The following ZAN variants were observed in gnomAD, a reference collection of about 807,000 sequenced individuals.
ZAN encodes the protein zonadhesin (gene/pseudogene).
ZAN carries 260 observed loss-of-function variants against 286.2 expected under a neutral mutation model. The observed-to-expected ratio is 0.91, with a 90% CI of 0.82 to 1.01. The LOEUF (loss-of-function observed/expected upper bound fraction) is 1.01, where lower values mean the gene tolerates loss of function less well. Among genes scored for constraint, ZAN ranks in the 50% least tolerant of loss-of-function variants. The pLI is 0.00. For missense variants in ZAN, 3,410 were observed against 3,639.2 expected, an observed-to-expected ratio of 0.94 and a Z score of 1.62; for synonymous variants, 1,368 against 1,417.5, an observed-to-expected ratio of 0.97 and a Z score of 0.79.
In ZAN at chr7:100,765,384, C is replaced by T. The variant is rs760519748; in HGVS notation, c.4300C>T (p.Leu1434=). 1 of 1,613,906 alleles carries T rather than the reference C, an allele frequency of 6.2e-7. No individual in the cohort carries two copies. The highest frequency in any genetic ancestry group is 1.3e-5 in the African/African-American group (1 of 74,964). The change falls in exon 23 of 48, where the codon CTG becomes TTG. Residue 1434 remains leucine (L), a synonymous_variant. Coordinates refer to ENST00000613979, the MANE Select transcript of ZAN (RefSeq NM_003386.3). ...MACPPNSKYS[L]CAKPCPDTCH... is the part of the protein sequence containing the mutation. The stretch of plus-strand genomic sequence containing the variant: ...CTGCCCGCCCAACAGCAAGTACTCC[C>T]TGTGTGCGAAGCCATGCCCTGACAC...
intron 31 of ZAN, among the ~76,000 whole-genome samples, chr7:100,774,920 T>TTTTGTTTG (rs35120086): frequency 0.023 from 2,768 of 120,674 alleles, 82 homozygotes; most frequent in African/African-American, 0.069. Context: ...CCCTGGGGTT[T>TTTTGTTTG]TTTGTTTGTT....
Position 100,794,954 on chromosome 7 carries a change from G to C in ZAN, c.8126-242G>C, listed in dbSNP as rs565504878. ...AGGGGAGAAGGAGGGAAGGAGAGAA[G>C]GAGGGAGGAAAGGAGGAAGAAAGGA... is the stretch of plus-strand genomic sequence containing the variant. On this transcript the variant is annotated intron_variant, in intron 44 of 47. Transcript: ENST00000613979. Among the ~76,000 whole-genome samples the C allele has an allele frequency of 2.7e-3, 413 of 151,672 alleles. 3 individuals carry two copies. Among genetic ancestry groups the C allele is most frequent in the African/African-American group, 9.0e-3 (372 of 41,316 alleles).
At chr7:100,783,844 G>A in intron 35 of ZAN, among the ~76,000 whole-genome samples, 1 of 124,700 alleles carries the variant, frequency 8.0e-6, no homozygotes. Flanking sequence ...ATTTTATTGA[G>A]ATCACATTAA....
At chr7:100,769,010 A>T (rs1810200693) in intron 27 of ZAN, among the ~76,000 whole-genome samples, 1 of 151,900 alleles carries the variant, frequency 6.6e-6, no homozygotes, top group Non-Finnish European at 1.5e-5. Context: ...TTCCTGCTGC[A>T]TCTCCTTGCC....
At position 100,784,816 on chromosome 7, in the gene ZAN, C is replaced by T; in HGVS notation, c.6816C>T (p.Ala2272=). 1 of 1,602,106 alleles carries T rather than the reference C, an allele frequency of 6.2e-7. No individual in the cohort carries two copies. Among genetic ancestry groups the T allele is most frequent in the East Asian group, 2.2e-5 (1 of 44,602 alleles). The stretch of plus-strand genomic sequence containing the variant: ...GAAGTCAGTGTGGCTGCAAGGATGC[C>T]CATGGTGGCTCCATCCCTGTGAGTG... The part of the protein sequence containing the change: ...VPRSQCGCKD[A]HGGSIPLGKS... The change falls in exon 36 of 48, where the codon GCC becomes GCT. Residue 2272 remains alanine, a synonymous_variant. Transcript: ENST00000613979.
Position 100,779,614 on chromosome 7 carries a change from C to G in ZAN, c.6486C>G (p.Phe2162Leu), listed in dbSNP as rs767326650. ...CCTCCCGCATAGACCTCACGCCCTT[C>G]CTGGTGGACTGTGCAAACACCCTCT... is the stretch of plus-strand genomic sequence containing the variant. Reference protein sequence around the residue: ...QCASRIDLTPFLVDCANTLCE... With the variant: ...QCASRIDLTPLLVDCANTLCE... The change falls in exon 35 of 48, where the codon TTC becomes TTG. Residue 2162 changes from phenylalanine to leucine, a missense_variant. Physicochemically the swap from Phe to Leu is conservative, Grantham distance 22. Around this residue, in one of 7 missense-constraint regions of ZAN, gnomAD observed 1,289 missense variants for 1,314.3 expected, o/e 0.98. Transcript: ENST00000613979. 6.2e-7 allele frequency: 1 copy of G among 1,604,582 alleles called. No individual in the cohort carries two copies. The highest frequency in any genetic ancestry group is 1.1e-5 in the South Asian group (1 of 89,310).
chr7:100,759,887 T>G, intron 18 of ZAN, 42 bp downstream of exon 18: 1 of 1,593,436 alleles, frequency 6.3e-7, no homozygotes. Context: ...AGGGTCTGAC[T>G]GTGTGTCCTG....
At chr7:100,788,779 A>T (rs55634808) in intron 38 of ZAN, among the ~76,000 whole-genome samples, 2 of 151,786 alleles carry the variant, frequency 1.3e-5, no homozygotes, top group Non-Finnish European at 2.9e-5. Context: ...GCTCACTGCA[A>T]CCTCCACCTC....
chr7:100,784,868 C>T (rs1463716120), intron 36 of ZAN, 34 bp downstream of exon 36: 1 of 1,542,164 alleles, frequency 6.5e-7, no homozygotes, highest in Non-Finnish European at 8.8e-7. Flanking sequence ...CTGGAGGCAA[C>T]ACAGCTTGAG....
chr7:100,783,751 AAAAAAAAAAAAAATATAT>A (rs1811346217), intron 35 of ZAN, among the ~76,000 whole-genome samples: 2 of 27,210 alleles, frequency 7.4e-5, no homozygotes, highest in African/African-American at 3.3e-4. Flanking sequence ...AAAAAAAAAA[AAAAAAAAAAAAAATATAT>A]ATATATATAT....
At chr7:100,786,260 C>A in intron 37 of ZAN, 119 bp downstream of exon 37, 1 of 1,443,676 alleles carries the variant, frequency 6.9e-7, no homozygotes, top group Non-Finnish European at 9.4e-7. Context: ...GGGGTTGGGG[C>A]GGGCGACTGG....
At chr7:100,762,031 A>G (rs1584585340) in intron 19 of ZAN, among the ~76,000 whole-genome samples, 184 bp from the exon 20 acceptor site, 1 of 152,034 alleles carries the variant, frequency 6.6e-6, no homozygotes, top group Non-Finnish European at 1.5e-5. Flanking sequence ...CTGTGGCTGG[A>G]CAATGAACAG....
Position 100,775,765 on chromosome 7 carries a change from G to A in ZAN, c.6124G>A (p.Gly2042Arg), listed in dbSNP as rs758871326. ...SIYSIVNIKI[G>R]VQVKFDGNHL... Reference sequence around the variant, plus strand: ...CTACAGCATTGTTAACATCAAGATCGGGGTGCAAGTCAAGTTTGACGGGAA... The same window carrying A: ...CTACAGCATTGTTAACATCAAGATCAGGGTGCAAGTCAAGTTTGACGGGAA... The change falls in exon 33 of 48, where the codon GGG becomes AGG. Residue 2042 changes from glycine to arginine, a missense_variant. By Grantham distance (125) the Gly-to-Arg change is moderately radical (BLOSUM62 -2). This residue lies in a region of ZAN where 1,289 missense variants were observed against 1,314.3 expected (regional missense o/e 0.98). Transcript: ENST00000613979. 11 of 1,613,916 alleles carry A rather than the reference G, an allele frequency of 6.8e-6. No individual in the cohort carries two copies. Among genetic ancestry groups the A allele is most frequent in the South Asian group, 3.3e-5 (3 of 91,086 alleles).
intron 7 of ZAN, among the ~76,000 whole-genome samples, chr7:100,742,200 G>A (rs1214575983): frequency 1.8e-5 from 2 of 112,800 alleles, no homozygotes; most frequent in Admixed American, 8.3e-5. Context: ...GGTCTCGGCC[G>A]GGCAGAAGCG....
rs536117367 is a variant in ZAN at position 100,750,720 on chromosome 7, T to G, written c.1345T>G (p.Cys449Gly). The G allele has an allele frequency of 5.6e-5, 90 of 1,613,102 alleles. No homozygotes were observed. In the South Asian group the frequency reaches 9.8e-4, roughly 18 times the overall value. ...SRPFCAPGDI[C>G]VEFAYHMYGL... Reference sequence around the variant, plus strand: ...GCCCTTCTGCGCCCCAGGTGACATCTGCGTGGAGTTCGCATACCACATGTA... The same window carrying G: ...GCCCTTCTGCGCCCCAGGTGACATCGGCGTGGAGTTCGCATACCACATGTA... The change falls in exon 12 of 48, where the codon TGC becomes GGC. Residue 449 changes from cysteine to glycine, a missense_variant. Physicochemically the swap from Cys to Gly is radical, Grantham distance 159 (BLOSUM62 -3). Around this residue, in one of 7 missense-constraint regions of ZAN, gnomAD observed 872 missense variants for 938.9 expected, o/e 0.93. Coordinates refer to ENST00000613979, the MANE Select transcript of ZAN (RefSeq NM_003386.3).
At chr7:100,745,712 C>T (rs1345406066) in intron 7 of ZAN, among the ~76,000 whole-genome samples, 2 of 149,600 alleles carry the variant, frequency 1.3e-5, no homozygotes, top group Non-Finnish European at 3.0e-5. Flanking sequence ...ATCGTGAGAC[C>T]GCCCATCTCT....
In ZAN at chr7:100,791,076, G is replaced by C. The variant is rs745444877; in HGVS notation, c.7492G>C (p.Glu2498Gln). The C allele has an allele frequency of 2.6e-5, 42 of 1,613,092 alleles. No individual in the cohort carries two copies. The highest frequency in any genetic ancestry group is 3.5e-5 in the Non-Finnish European group (41 of 1,179,698). Residue 2498 changes from glutamate (E) to glutamine (Q), a missense_variant, in exon 40 of 48, where the codon GAG (glutamate) becomes CAG (glutamine). Coordinates refer to ENST00000613979, the MANE Select transcript of ZAN (RefSeq NM_003386.3). Reference sequence around the variant, plus strand: ...CCTCAACACCTTTGGCAACAGCTGGGAGGTGAAGACCGAGGACGCACTCCT... The same window carrying C: ...CCTCAACACCTTTGGCAACAGCTGGCAGGTGAAGACCGAGGACGCACTCCT... ...QNLNTFGNSWEVKTEDALLRF... is the reference protein window; with the variant it reads ...QNLNTFGNSWQVKTEDALLRF...
chr7:100,793,723 C>T, intron 42 of ZAN, 97 bp from the exon 43 acceptor site: 1 of 1,324,824 alleles, frequency 7.5e-7, no homozygotes, highest in Non-Finnish European at 1.0e-6. Context: ...CAGGTGTGAG[C>T]CACTGTGCCC....
In ZAN at chr7:100,762,376, C is replaced by G; in HGVS notation, c.3986+18C>G. On this transcript the variant is annotated intron_variant, in intron 20 of 47. Transcript: ENST00000613979. ...GACCAGGAGTGAGCAAGGAGCCCTC[C>G]CACCGGGGCCCTGGGAAGGTTCCGT... 6.3e-7 allele frequency: 1 copy of G among 1,593,994 alleles called. No homozygotes were observed. Among genetic ancestry groups the G allele is most frequent in the Admixed American group, 1.7e-5 (1 of 57,740 alleles).
Sources: allele counts gnomAD v4.1 joint callset (sites outside exome capture counted in the v4.1 genomes callset), GRCh38; gene constraint gnomAD v4.1.1; regional missense constraint gnomAD v4.1.1; transcripts MANE v1.5; gene names NCBI Gene and HGNC (gene_info 2026-07-23, HGNC 2026-07-21).